DMD: variants seen among roughly 807,000 people sequenced by gnomAD.
DMD encodes dystrophin, also known as mutant dystrophin.
DMD carries 63 observed loss-of-function variants against 330.1 expected under a neutral mutation model. The ratio of observed to expected loss-of-function variants is 0.19; its 90% confidence interval spans 0.16 to 0.24. DMD has a LOEUF of 0.24. DMD is among the 10% of genes least tolerant of loss of function. The pLI, the probability that DMD is intolerant of heterozygous loss-of-function variation, is 1.00. For missense variants in DMD, 3,344 were observed against 2,684.1 expected (o/e 1.25, Z -5.43); for synonymous variants, 1,223 against 959.8 (o/e 1.27, Z -5.07).
chrX:32,976,460 T>C, intron 2 of DMD, among the ~76,000 whole-genome samples: 1 of 111,739 alleles, frequency 8.9e-6, no homozygotes, highest in East Asian at 2.8e-4. Flanking sequence ...TGTGAATATA[T>C]AGAACCTAGC....
intron 38 of DMD, among the ~76,000 whole-genome samples, chrX:32,346,919 T>G (rs1350549097): frequency 1.8e-5 from 2 of 112,034 alleles, no homozygotes; most frequent in African/African-American, 6.5e-5. Context: ...GTGAAAACTT[T>G]GTATCAAGTA....
At position 32,759,858 on chromosome X, in the gene DMD, G is replaced by A. The variant is rs960189341; in HGVS notation, c.649+49635C>T. On this transcript the variant is annotated intron_variant, in intron 7 of 78. Coordinates refer to ENST00000357033, the MANE Select transcript of DMD (RefSeq NM_004006.3). ...AGGTTTTTCTTGGGGGGGGGGGGGGGGCGGGGGAAGACCCAGGCAGGCCCA... is the reference window on the plus strand; with the variant it reads ...AGGTTTTTCTTGGGGGGGGGGGGGGAGCGGGGGAAGACCCAGGCAGGCCCA... Among the ~76,000 whole-genome samples the A allele has an allele frequency of 1.7e-3, 36 of 21,166 alleles. No individual in the cohort carries two copies. In the East Asian group the frequency reaches 0.039, roughly 23 times the overall value. The allele number at this position is 21,166 out of a possible 115,157, so 18.4% of individuals were successfully genotyped here. A position where few individuals can be genotyped will look rare whatever the true frequency, so the allele number is the denominator to read the frequency against.
At chrX:32,988,294 A>T (rs977964904) in intron 2 of DMD, among the ~76,000 whole-genome samples, 15 of 112,019 alleles carry the variant, frequency 1.3e-4, no homozygotes, top group African/African-American at 4.2e-4. Context: ...ATTCATTAAG[A>T]TTAGCAGCCT....
intron 27 of DMD, among the ~76,000 whole-genome samples, chrX:32,443,644 T>C (rs1210953453): frequency 1.8e-5 from 2 of 111,298 alleles, no homozygotes; most frequent in Non-Finnish European, 1.9e-5. Flanking sequence ...CTGTCCTCAA[T>C]GCATCTGAAG....
In DMD at chrX:32,327,293, A is replaced by G. The variant is rs752277497; in HGVS notation, c.5922+14807T>C. On this transcript the variant is annotated intron_variant, in intron 41 of 78. Transcript: ENST00000357033. Reference sequence around the variant, plus strand: ...AAAAAAGGATTTGGAAATTCATTTCATAATGAAATATAAGTAAGCTTTGGA... The same window carrying G: ...AAAAAAGGATTTGGAAATTCATTTCGTAATGAAATATAAGTAAGCTTTGGA... Among the ~76,000 whole-genome samples the G allele has an allele frequency of 4.9e-4, 54 of 111,311 alleles. 1 individual carries two copies. Among genetic ancestry groups the G allele is most frequent in the Non-Finnish European group, 8.5e-4 (45 of 53,058 alleles).
At chrX:31,406,239 T>C (rs1280795703) in intron 60 of DMD, among the ~76,000 whole-genome samples, 1 of 111,510 alleles carries the variant, frequency 9.0e-6, no homozygotes, top group African/African-American at 3.3e-5. Flanking sequence ...TATAGTATAC[T>C]TGGGGATAAT....
In DMD at chrX:32,381,310, T is replaced by A. The variant is rs1370346849; in HGVS notation, c.4675-630A>T. On this transcript the variant is annotated intron_variant, in intron 33 of 78. Transcript: ENST00000357033. ...AATGTGAAGACAATATTCATTCCCA[T>A]TAATAGAAAAACTAATTACTTGATC... 6.3e-5 allele frequency among the ~76,000 whole-genome samples: 7 copies of A among 111,453 alleles called. No homozygotes were observed. The South Asian group carries it at 1.9e-3, about 30-fold the overall frequency.
chrX:32,983,528 TACACACACACACACACAC>T lies in DMD; in HGVS notation c.93+36593_93+36610del, dbSNP rs561986393. On this transcript the variant is annotated intron_variant, in intron 2 of 78. Transcript: ENST00000357033. The stretch of plus-strand genomic sequence containing the variant: ...TGTGATGAAACTGTACAGAACTAAA[TACACACACACACACACAC>T]ACACACACACACACACACACACACA... Among the ~76,000 whole-genome samples, 55 of 73,565 alleles carry T rather than the reference TACACACACACACACACAC, an allele frequency of 7.5e-4. 1 individual carries two copies. The South Asian group carries it at 0.021, about 28-fold the overall frequency. 63.9% of individuals were successfully genotyped at this position (73,565 alleles called of 115,157 possible).
intron 44 of DMD, among the ~76,000 whole-genome samples, chrX:32,052,240 C>G (rs143263945): frequency 0.035 from 3,818 of 107,871 alleles, 192 homozygotes; most frequent in African/African-American, 0.12. Context: ...TCTTGCTCCT[C>G]TAGCTATTAA....
chrX:32,754,211 T>G (rs1002689190), intron 7 of DMD, among the ~76,000 whole-genome samples: 4 of 111,318 alleles, frequency 3.6e-5, no homozygotes, highest in Admixed American at 9.6e-5. Flanking sequence ...CATGTTAAAC[T>G]TAAATATTTT....
chrX:31,933,403 A>G (rs1209828785), intron 45 of DMD, among the ~76,000 whole-genome samples: 1 of 112,607 alleles, frequency 8.9e-6, no homozygotes, highest in African/African-American at 3.2e-5. Context: ...GGAAGTTTTA[A>G]TTATGAAAAT....
intron 59 of DMD, among the ~76,000 whole-genome samples, chrX:31,449,711 T>C (rs1316206552): frequency 1.0e-5 from 1 of 100,217 alleles, no homozygotes; most frequent in Non-Finnish European, 2.0e-5. Flanking sequence ...TCTGGGATGC[T>C]CAGATTAGCT....
intron 52 of DMD, among the ~76,000 whole-genome samples, chrX:31,689,058 C>A (rs969455857): frequency 1.8e-5 from 2 of 111,754 alleles, no homozygotes; most frequent in African/African-American, 6.5e-5. Context: ...AAAACTGGCA[C>A]AAGACAGGGA....
intron 41 of DMD, among the ~76,000 whole-genome samples, chrX:32,320,170 A>T (rs1476751552): frequency 9.0e-6 from 1 of 111,241 alleles, no homozygotes; most frequent in Non-Finnish European, 1.9e-5. Flanking sequence ...GATTTTTCAG[A>T]ATAAACTCAC....
intron 1 of DMD, among the ~76,000 whole-genome samples, chrX:33,287,226 T>C (rs985736126): frequency 4.5e-5 from 5 of 111,497 alleles, no homozygotes; most frequent in African/African-American, 1.6e-4. Context: ...TTGTGAGATA[T>C]GGATCTAATT....
chrX:32,646,222 T>G (rs2059775549), intron 9 of DMD, among the ~76,000 whole-genome samples: 1 of 111,488 alleles, frequency 9.0e-6, no homozygotes, highest in Admixed American at 9.6e-5. Flanking sequence ...TGGGATAAAC[T>G]ACATGTCTGC....
intron 55 of DMD, among the ~76,000 whole-genome samples, chrX:31,530,883 A>T (rs1319879634): frequency 1.8e-5 from 1 of 56,174 alleles, no homozygotes; most frequent in Non-Finnish European, 3.0e-5. Context: ...TGTCCATGTG[A>T]TCTCATTGTT....
chrX:31,264,206 G>A (rs1198448129), intron 62 of DMD, among the ~76,000 whole-genome samples: 1 of 112,033 alleles, frequency 8.9e-6, no homozygotes, highest in Non-Finnish European at 1.9e-5. Context: ...AACTCCATGA[G>A]AAGAGCCCAC....
At chrX:31,952,240 C>T (rs1221959529) in intron 45 of DMD, among the ~76,000 whole-genome samples, 2 of 111,018 alleles carry the variant, frequency 1.8e-5, no homozygotes, top group Non-Finnish European at 3.8e-5. Context: ...TGAGCTTAAC[C>T]GTATTTGTGA....
Sources: allele counts gnomAD v4.1 joint callset (sites outside exome capture counted in the v4.1 genomes callset), GRCh38; gene constraint gnomAD v4.1.1; transcripts MANE v1.5; gene names NCBI Gene and HGNC (gene_info 2026-07-23, HGNC 2026-07-21).